The following IGSF21 variants were observed in gnomAD, a reference collection of about 807,000 sequenced individuals.
IGSF21 encodes the protein immunoglobulin superfamily member 21.
IGSF21 carries 28 observed loss-of-function variants against 46.8 expected under a neutral mutation model. That is an observed-to-expected ratio of 0.60 (90% CI 0.44 to 0.82). IGSF21 has a LOEUF of 0.82. Ranked by LOEUF, IGSF21 falls within the 40% of genes least tolerant of loss-of-function variation. The pLI is 0.00. For synonymous variants in IGSF21, 284 were observed against 273.6 expected (o/e 1.04, Z -0.38); for missense variants, 624 against 665.5 (o/e 0.94, Z 0.69).
At chr1:18,124,278 TACCCCAAG>T (rs2086257692) in intron 1 of IGSF21, among the ~76,000 whole-genome samples, 1 of 152,240 alleles carries the variant, frequency 6.6e-6, no homozygotes, top group Non-Finnish European at 1.5e-5. Context: ...ACACTTGCTG[TACCCCAAG>T]CACTGTGACA....
chr1:18,308,388 T>A (rs1240701642), intron 3 of IGSF21, among the ~76,000 whole-genome samples: 1 of 152,160 alleles, frequency 6.6e-6, no homozygotes, highest in Non-Finnish European at 1.5e-5. Flanking sequence ...GCACCTCTGA[T>A]GCACCAGAGG....
At chr1:18,267,881 T>G (rs2085004905) in intron 2 of IGSF21, among the ~76,000 whole-genome samples, 1 of 152,242 alleles carries the variant, frequency 6.6e-6, no homozygotes. Context: ...CACTCATGTA[T>G]TGTCTGCAAT....
chr1:18,345,736 C>T (rs1251570619), intron 4 of IGSF21, among the ~76,000 whole-genome samples: 3 of 152,092 alleles, frequency 2.0e-5, no homozygotes, highest in African/African-American at 7.3e-5. Flanking sequence ...TTCTGCTTAA[C>T]ACCTGCTATA....
intron 4 of IGSF21, among the ~76,000 whole-genome samples, chr1:18,341,045 C>CTTCT (rs55780171): frequency 0.028 from 2,154 of 78,034 alleles, 40 homozygotes; most frequent in Middle Eastern, 0.05. Flanking sequence ...CTTCTTCTTC[C>CTTCT]TCTTCCTCTT....
At chr1:18,308,513 T>C (rs2085450227) in intron 3 of IGSF21, among the ~76,000 whole-genome samples, 1 of 152,210 alleles carries the variant, frequency 6.6e-6, no homozygotes, top group African/African-American at 2.4e-5. Context: ...ACATGGATTC[T>C]CTCTTTGAGC....
chr1:18,121,119 G>C (rs1460281951), intron 1 of IGSF21, among the ~76,000 whole-genome samples: 1 of 152,146 alleles, frequency 6.6e-6, no homozygotes. Flanking sequence ...CTTCCAAATG[G>C]AAGGCAGGTA....
At chr1:18,165,123 A>T (rs931599992) in intron 1 of IGSF21, among the ~76,000 whole-genome samples, 1 of 151,920 alleles carries the variant, frequency 6.6e-6, no homozygotes, top group African/African-American at 2.4e-5. Context: ...TTTTCTTCAC[A>T]ATTTCTAGGA....
intron 3 of IGSF21, among the ~76,000 whole-genome samples, chr1:18,320,948 T>C (rs1362743361): frequency 6.6e-6 from 1 of 152,220 alleles, no homozygotes; most frequent in Non-Finnish European, 1.5e-5. Context: ...TGCAGGAAAC[T>C]GGGCTGATTG....
chr1:18,274,628 A>G (rs187537989), intron 2 of IGSF21, among the ~76,000 whole-genome samples: 18 of 152,348 alleles, frequency 1.2e-4, no homozygotes, highest in African/African-American at 4.1e-4. Context: ...TAGCCTGCAA[A>G]TCCTAAAATA....
chr1:18,242,962 G>A (rs982953321), intron 2 of IGSF21, among the ~76,000 whole-genome samples: 4 of 152,210 alleles, frequency 2.6e-5, no homozygotes, highest in African/African-American at 7.2e-5. Flanking sequence ...GGCATGGCAA[G>A]TAGAGGTGAG....
At chr1:18,184,998 A>T (rs1367519249) in intron 1 of IGSF21, among the ~76,000 whole-genome samples, 4 of 152,200 alleles carry the variant, frequency 2.6e-5, no homozygotes, top group African/African-American at 9.6e-5. Flanking sequence ...GAAGAATACA[A>T]GGGACAGCTT....
intron 6 of IGSF21, among the ~76,000 whole-genome samples, chr1:18,366,888 C>T (rs768490406): frequency 4.6e-5 from 7 of 152,126 alleles, no homozygotes; most frequent in Non-Finnish European, 8.8e-5. Flanking sequence ...TGACTCAGGG[C>T]AGGGAAAGGG....
chr1:18,219,222 C>T (rs1417755), intron 1 of IGSF21, among the ~76,000 whole-genome samples: 14,193 of 152,106 alleles, frequency 0.093, 803 homozygotes, highest in East Asian at 0.15. Context: ...ATGGGGTAGT[C>T]GCAAGAGTCT....
At chr1:18,367,655 T>A (rs1156817006) in intron 6 of IGSF21, among the ~76,000 whole-genome samples, 2 of 139,120 alleles carry the variant, frequency 1.4e-5, no homozygotes, top group East Asian at 4.4e-4. Context: ...ACACCCAGGC[T>A]GGAGTGCAGT....
chr1:18,282,591 A>G (rs1391997459), intron 2 of IGSF21, among the ~76,000 whole-genome samples: 2 of 151,712 alleles, frequency 1.3e-5, no homozygotes, highest in African/African-American at 4.8e-5. Flanking sequence ...GGAAATGGCA[A>G]GGGAGATACA....
At chr1:18,244,670 G>A (rs1483341176) in intron 2 of IGSF21, among the ~76,000 whole-genome samples, 1 of 152,312 alleles carries the variant, frequency 6.6e-6, no homozygotes, top group Admixed American at 6.5e-5. Flanking sequence ...TGCCACAGAG[G>A]CCCCTGCCCT....
intron 5 of IGSF21, among the ~76,000 whole-genome samples, chr1:18,362,460 G>T (rs1358849550): frequency 6.6e-6 from 1 of 152,202 alleles, no homozygotes; most frequent in African/African-American, 2.4e-5. Flanking sequence ...ACTTCTCCTG[G>T]AGACAAAGTA....
chr1:18,229,740 C>T (rs2084604795), intron 2 of IGSF21, among the ~76,000 whole-genome samples: 1 of 152,174 alleles, frequency 6.6e-6, no homozygotes, highest in African/African-American at 2.4e-5. Context: ...TAAATAGTGC[C>T]ATGAACTGAA....
chr1:18,172,542 C>T (rs1165189244), intron 1 of IGSF21, among the ~76,000 whole-genome samples: 1 of 152,212 alleles, frequency 6.6e-6, no homozygotes, highest in Non-Finnish European at 1.5e-5. Flanking sequence ...CGCCTTCTCA[C>T]TGGGACTTCA....
Sources: gnomAD v4.1 joint callset for allele counts (sites outside exome capture counted in the v4.1 genomes callset) on GRCh38, gnomAD v4.1.1 for gene constraint, MANE v1.5 for transcripts, NCBI Gene and HGNC (gene_info 2026-07-23, HGNC 2026-07-21) for gene names.